Variants in DRD2 observed in about 807,000 individuals in gnomAD.
DRD2 encodes dopamine receptor D2.
In DRD2, 8 loss-of-function variants were observed where a neutral mutation model predicts 38.0. The observed-to-expected ratio is 0.21, with a 90% confidence interval of 0.12 to 0.38. The LOEUF (loss-of-function observed/expected upper bound fraction) is 0.38, where lower values mean the gene tolerates loss of function less well. Among genes scored for constraint, DRD2 ranks in the 10% least tolerant of loss-of-function variants. The pLI is 1.00. For synonymous variants in DRD2, 230 were observed against 238.6 expected (o/e 0.96, Z 0.33); for missense variants, 403 against 607.7 (o/e 0.66, Z 3.54).
At chr11:113,432,005 G>T (rs1950991721) in intron 1 of DRD2, among the ~76,000 whole-genome samples, 1 of 152,198 alleles carries the variant, frequency 6.6e-6, no homozygotes, top group Non-Finnish European at 1.5e-5. Flanking sequence ...GTATAGATGA[G>T]GTATGGAAGG....
intron 6 of DRD2, chr11:113,413,328 T>A: frequency 1.9e-6 from 1 of 531,352 alleles, no homozygotes; most frequent in Non-Finnish European, 3.7e-6. Flanking sequence ...TCCCACTTCA[T>A]GGGTACCTGC....
chr11:113,430,805 G>A (rs1476972973), intron 1 of DRD2, among the ~76,000 whole-genome samples: 2 of 152,202 alleles, frequency 1.3e-5, no homozygotes, highest in African/African-American at 2.4e-5. Context: ...TGTCCACTCT[G>A]GAGCTTGTTG....
At position 113,412,836 on chromosome 11, in the gene DRD2, G is replaced by C; in HGVS notation, c.858C>G (p.Ser286Arg). 6.2e-7 allele frequency: 1 copy of C among 1,613,200 alleles called. No homozygotes were observed. The highest frequency in any genetic ancestry group is 1.1e-5 in the South Asian group (1 of 91,028). ...ACCGGGTCCTCTCGGGTGGGCTGGT[G>C]CTGGAGAGCATCTCCATCTCCAGCT... ...AQELEMEMLS[S>R]TSPPERTRYS... Residue 286 changes from serine (S) to arginine (R), a missense_variant, in exon 7 of 8, where the codon AGC (serine) becomes AGG (arginine). This residue lies in a region of DRD2 where 166 missense variants were observed against 178.6 expected (regional missense o/e 0.93). Transcript: ENST00000362072.
intron 1 of DRD2, among the ~76,000 whole-genome samples, chr11:113,471,330 C>A (rs1487706393): frequency 6.6e-6 from 1 of 152,086 alleles, no homozygotes; most frequent in East Asian, 1.9e-4. Context: ...TTTAAAAGGC[C>A]AGAGATAACA....
intron 2 of DRD2, 41 bp downstream of exon 2, chr11:113,424,326 C>T (rs778215584): frequency 2.5e-6 from 4 of 1,604,984 alleles, no homozygotes; most frequent in African/African-American, 1.3e-5. Context: ...GTGCAGGGCC[C>T]TGCTGGAGAA....
Position 113,473,787 on chromosome 11 carries a change from CA to C in DRD2, c.-32+1288del, listed in dbSNP as rs1951450793. Among the ~76,000 whole-genome samples the C allele has an allele frequency of 2.0e-5, 3 of 152,238 alleles. No homozygotes were observed. In the South Asian group the frequency reaches 6.2e-4, roughly 31 times the overall value. Reference sequence around the variant, plus strand: ...AGTCTCTCTATCTGGCCACCCTCATCAAACAGCTGCATGAGGGAAAGACGAT... The same window carrying C: ...AGTCTCTCTATCTGGCCACCCTCATCAACAGCTGCATGAGGGAAAGACGAT... On this transcript the variant is annotated intron_variant, in intron 1 of 7. Coordinates refer to ENST00000362072, the MANE Select transcript of DRD2 (RefSeq NM_000795.4).
chr11:113,412,351 A>T (rs1950776906), intron 7 of DRD2, among the ~76,000 whole-genome samples: 1 of 152,162 alleles, frequency 6.6e-6, no homozygotes, highest in South Asian at 2.1e-4. Flanking sequence ...CAGGTTTTAT[A>T]ACCACTCTAA....
chr11:113,436,556 GA>G (rs1222834143), intron 1 of DRD2, among the ~76,000 whole-genome samples: 1 of 152,110 alleles, frequency 6.6e-6, no homozygotes, highest in Non-Finnish European at 1.5e-5. Flanking sequence ...ATCCTTTAGA[GA>G]TACACACTGA....
chr11:113,436,653 A>C (rs1591288145), intron 1 of DRD2, among the ~76,000 whole-genome samples: 1 of 152,222 alleles, frequency 6.6e-6, no homozygotes. Flanking sequence ...AAAATTGGCC[A>C]TAATTTGATC....
At chr11:113,469,806 C>A (rs943448992) in intron 1 of DRD2, among the ~76,000 whole-genome samples, 2 of 152,128 alleles carry the variant, frequency 1.3e-5, no homozygotes, top group South Asian at 4.1e-4. Flanking sequence ...CACCACTGCA[C>A]TCCAGCCTGG....
intron 1 of DRD2, among the ~76,000 whole-genome samples, chr11:113,470,921 C>G (rs983544605): frequency 6.6e-6 from 1 of 152,208 alleles, no homozygotes; most frequent in African/African-American, 2.4e-5. Flanking sequence ...GTGAAACACT[C>G]TCATGTATCC....
At chr11:113,430,093 GC>G (rs1387498536) in intron 1 of DRD2, among the ~76,000 whole-genome samples, 2 of 152,184 alleles carry the variant, frequency 1.3e-5, no homozygotes, top group Admixed American at 6.5e-5. Context: ...GCCTCCTATG[GC>G]CCATCCTGAA....
chr11:113,414,399 A>T lies in DRD2; in HGVS notation c.786T>A (p.Ser262Arg). The T allele has an allele frequency of 6.2e-7, 1 of 1,614,096 alleles. No homozygotes were observed. Among genetic ancestry groups the T allele is most frequent in the Non-Finnish European group, 8.5e-7 (1 of 1,180,034 alleles). ...CCACTCTCCGCCTGTTCACTGGGAA[A>T]CTCCCATTAGACTTCATGATAACGG... ...LCTVIMKSNG[S>R]FPVNRRRVEA... The change falls in exon 6 of 8, where the codon AGT (serine) becomes AGA (arginine). Residue 262 changes from serine to arginine, a missense_variant. Physicochemically the swap from Ser to Arg is moderately radical, Grantham distance 110. Around this residue, in one of 4 missense-constraint regions of DRD2, gnomAD observed 166 missense variants for 178.6 expected, o/e 0.93. Coordinates refer to ENST00000362072, the MANE Select transcript of DRD2 (RefSeq NM_000795.4).
intron 1 of DRD2, among the ~76,000 whole-genome samples, chr11:113,453,613 G>C (rs1407573019): frequency 6.6e-6 from 1 of 152,214 alleles, no homozygotes; most frequent in Non-Finnish European, 1.5e-5. Flanking sequence ...AAGCAATGTA[G>C]ATAACAAAAT....
At position 113,424,563 on chromosome 11, in the gene DRD2, T is replaced by C; in HGVS notation, c.89A>G (p.Asp30Gly). 6.2e-7 allele frequency: 1 copy of C among 1,614,230 alleles called. No homozygotes were observed. Residue 30 changes from aspartate (D) to glycine (G), a missense_variant, in exon 2 of 8, where the codon GAC becomes GGC. By Grantham distance (94) the Asp-to-Gly change is moderately conservative. Around this residue, in one of 4 missense-constraint regions of DRD2, gnomAD observed 162 missense variants for 254.5 expected, o/e 0.64. Transcript: ENST00000362072. ...GGCATAGTAGTTGTAGTGGGGTCTGTCCGCCTTCCCGTCTGACCCGTTGAA... is the reference window on the plus strand; with the variant it reads ...GGCATAGTAGTTGTAGTGGGGTCTGCCCGCCTTCCCGTCTGACCCGTTGAA... Reference protein sequence around the residue: ...RPFNGSDGKADRPHYNYYATL... With the variant: ...RPFNGSDGKAGRPHYNYYATL...
At chr11:113,467,350 G>A (rs1951380169) in intron 1 of DRD2, among the ~76,000 whole-genome samples, 1 of 152,156 alleles carries the variant, frequency 6.6e-6, no homozygotes, top group Non-Finnish European at 1.5e-5. Context: ...AGGCCAACAA[G>A]AGGGATTATC....
intron 1 of DRD2, among the ~76,000 whole-genome samples, chr11:113,467,574 C>A (rs1951382319): frequency 6.6e-6 from 1 of 152,220 alleles, no homozygotes; most frequent in South Asian, 2.1e-4. Flanking sequence ...GTCACCTTGT[C>A]CTTGTACACC....
chr11:113,419,106 C>T (rs865887933), intron 2 of DRD2, among the ~76,000 whole-genome samples: 36 of 152,338 alleles, frequency 2.4e-4, no homozygotes, highest in Middle Eastern at 6.8e-3. Flanking sequence ...TTCCCCAAGG[C>T]CTGTGGGCTC....
chr11:113,435,588 CTA>C (rs1178026275), intron 1 of DRD2, among the ~76,000 whole-genome samples: 1 of 152,040 alleles, frequency 6.6e-6, no homozygotes. Context: ...CCCAGGAGAT[CTA>C]AATTCAGAAT....
Sources: gnomAD v4.1 joint callset for allele counts (sites outside exome capture counted in the v4.1 genomes callset) on GRCh38, gnomAD v4.1.1 for gene constraint, gnomAD v4.1.1 regional missense constraint, MANE v1.5 for transcripts, NCBI Gene and HGNC (gene_info 2026-07-23, HGNC 2026-07-21) for gene names.